The following COG5 variants were observed in gnomAD, a reference collection of about 807,000 sequenced individuals.
COG5 encodes conserved oligomeric Golgi complex subunit 5.
In COG5, 86 loss-of-function variants were observed where a neutral mutation model predicts 110.4. The observed-to-expected ratio is 0.78, with a 90% CI of 0.65 to 0.93. The LOEUF (loss-of-function observed/expected upper bound fraction) is 0.93. Ranked by LOEUF, COG5 falls within the 40% of genes least tolerant of loss-of-function variation. COG5 has a pLI of 0.00. For synonymous variants in COG5, 360 were observed against 334.6 expected, an observed-to-expected ratio of 1.08 and a Z score of -0.83; for missense variants, 1,077 against 987.0, an observed-to-expected ratio of 1.09 and a Z score of -1.22.
chr7:107,543,192 T>A (rs553953561), intron 5 of COG5, among the ~76,000 whole-genome samples: 21 of 152,010 alleles, frequency 1.4e-4, no homozygotes, highest in African/African-American at 4.3e-4. Context: ...TTCACAAAAG[T>A]TAAAGAAACC....
intron 6 of COG5, among the ~76,000 whole-genome samples, chr7:107,517,387 G>C (rs912154817): frequency 2.6e-5 from 4 of 152,192 alleles, no homozygotes; most frequent in Admixed American, 2.0e-4. Context: ...ACCTGAAAGA[G>C]ATGGGGTGAA....
At chr7:107,478,883 T>C (rs1029501868) in intron 6 of COG5, among the ~76,000 whole-genome samples, 5 of 152,074 alleles carry the variant, frequency 3.3e-5, no homozygotes, top group Non-Finnish European at 7.4e-5. Context: ...TTATTCCACA[T>C]AGTATTTCAA....
At chr7:107,210,397 G>C in intron 21 of COG5, 129 bp downstream of exon 21, 1 of 1,478,078 alleles carries the variant, frequency 6.8e-7, no homozygotes, top group Non-Finnish European at 9.0e-7. Context: ...TAGGCAGTGA[G>C]GTGGCCCGCC....
intron 7 of COG5, among the ~76,000 whole-genome samples, chr7:107,387,185 T>C (rs1371334444): frequency 6.6e-6 from 1 of 152,010 alleles, no homozygotes; most frequent in Admixed American, 6.6e-5. Flanking sequence ...AAGCAGATGG[T>C]AAATTAAAAG....
At chr7:107,461,464 A>G (rs865888838) in intron 6 of COG5, among the ~76,000 whole-genome samples, 1 of 152,212 alleles carries the variant, frequency 6.6e-6, no homozygotes, top group African/African-American at 2.4e-5. Flanking sequence ...TATACCTAGC[A>G]TCAAACCTAA....
rs146362524 is a variant in COG5 at position 107,523,906 on chromosome 7, A to C, written c.538+3331T>G. Among the ~76,000 whole-genome samples, 775 of 152,314 alleles carry C rather than the reference A, an allele frequency of 5.1e-3. 5 individuals are homozygous for C. The highest frequency in any genetic ancestry group is 0.018 in the African/African-American group (732 of 41,568). On this transcript the variant is annotated intron_variant, in intron 6 of 21. Coordinates refer to ENST00000297135, the MANE Select transcript of COG5 (RefSeq NM_006348.5). ...TTAAAAAGTTAAACATATACCTACCATATGATCTAGACATTCCAATCCTAG... is the reference window on the plus strand; with the variant it reads ...TTAAAAAGTTAAACATATACCTACCCTATGATCTAGACATTCCAATCCTAG...
At chr7:107,241,409 T>C (rs1184607809) in intron 17 of COG5, among the ~76,000 whole-genome samples, 1 of 147,642 alleles carries the variant, frequency 6.8e-6, no homozygotes, top group Non-Finnish European at 1.5e-5. Flanking sequence ...TATATATATA[T>C]CTATATCCAT....
chr7:107,303,636 T>A (rs186648467), intron 11 of COG5, among the ~76,000 whole-genome samples: 1 of 152,050 alleles, frequency 6.6e-6, no homozygotes, highest in Non-Finnish European at 1.5e-5. Context: ...TCTCCCTATG[T>A]TGCTCAAACT....
intron 13 of COG5, among the ~76,000 whole-genome samples, chr7:107,281,619 A>T (rs1385895767): frequency 1.3e-5 from 2 of 152,164 alleles, no homozygotes; most frequent in African/African-American, 4.8e-5. Flanking sequence ...TCTCATTAAC[A>T]AAAGCATGTC....
Position 107,382,930 on chromosome 7 carries a change from C to T in COG5, c.670-10170G>A, listed in dbSNP as rs183461804. ...TTCCTGTAAATCAAACAGCAGTCTC[C>T]AGCTGCAACTCAGAAAGAACAAGAG... On this transcript the variant is annotated intron_variant, in intron 7 of 21. Transcript: ENST00000297135. Among the ~76,000 whole-genome samples the T allele has an allele frequency of 3.9e-5, 6 of 152,258 alleles. No homozygotes were observed. The East Asian group carries it at 5.8e-4, about 15-fold the overall frequency.
intron 19 of COG5, among the ~76,000 whole-genome samples, chr7:107,212,072 G>A (rs753719882): frequency 6.6e-6 from 1 of 152,168 alleles, no homozygotes; most frequent in African/African-American, 2.4e-5. Flanking sequence ...ATGAAGGCCT[G>A]TACAAAATAG....
At chr7:107,296,651 T>A (rs58860874) in intron 12 of COG5, among the ~76,000 whole-genome samples, 2,789 of 149,288 alleles carry the variant, frequency 0.019, 86 homozygotes, top group African/African-American at 0.064. Context: ...CTCTAACTCC[T>A]AGGCTCAAGA....
chr7:107,490,412 A>G (rs1278718166), intron 6 of COG5, among the ~76,000 whole-genome samples: 1 of 152,200 alleles, frequency 6.6e-6, no homozygotes, highest in Non-Finnish European at 1.5e-5. Context: ...AAATGTGTGT[A>G]CAAAAATACC....
intron 6 of COG5, among the ~76,000 whole-genome samples, chr7:107,416,926 AAG>A (rs1289277015): frequency 1.3e-5 from 2 of 152,222 alleles, no homozygotes; most frequent in Non-Finnish European, 1.5e-5. Context: ...GAATATTAAA[AAG>A]AGGGGAAATT....
chr7:107,347,228 A>G (rs1205933694), intron 10 of COG5, among the ~76,000 whole-genome samples: 3 of 152,186 alleles, frequency 2.0e-5, no homozygotes, highest in Non-Finnish European at 4.4e-5. Flanking sequence ...GTATGATCCT[A>G]ATCAGGAAAA....
chr7:107,488,597 C>T (rs1019314602), intron 6 of COG5, among the ~76,000 whole-genome samples: 1 of 152,124 alleles, frequency 6.6e-6, no homozygotes, highest in Non-Finnish European at 1.5e-5. Context: ...GTAATCCCAG[C>T]GCTTTGGGAG....
At position 107,554,869 on chromosome 7, in the gene COG5, C is replaced by T. The variant is rs116081611; in HGVS notation, c.235-527G>A. Among the ~76,000 whole-genome samples, 692 of 152,222 alleles carry T rather than the reference C, an allele frequency of 4.5e-3. 6 individuals carry two copies. Among genetic ancestry groups the T allele is most frequent in the African/African-American group, 0.016 (669 of 41,542 alleles). ...TACTATCATATTGGAGATTAAGTTT[C>T]AACATATGAATGTTAGGGGAACACA... On this transcript the variant is annotated intron_variant, in intron 2 of 21. Coordinates refer to ENST00000297135, the MANE Select transcript of COG5 (RefSeq NM_006348.5).
intron 6 of COG5, among the ~76,000 whole-genome samples, chr7:107,427,601 C>T (rs968867745): frequency 6.6e-6 from 1 of 151,846 alleles, no homozygotes; most frequent in Non-Finnish European, 1.5e-5. Context: ...GTGACTTTTG[C>T]CAGCTGGACC....
At chr7:107,204,985 A>C (rs1442024862) in intron 21 of COG5, among the ~76,000 whole-genome samples, 2 of 152,054 alleles carry the variant, frequency 1.3e-5, no homozygotes, top group Non-Finnish European at 2.9e-5. Flanking sequence ...CAATTACCAA[A>C]TCCTATTAAT....
Sources: allele counts gnomAD v4.1 joint callset (sites outside exome capture counted in the v4.1 genomes callset), GRCh38; gene constraint gnomAD v4.1.1; transcripts MANE v1.5; gene names NCBI Gene and HGNC (gene_info 2026-07-23, HGNC 2026-07-21).